TCF25: variants seen among roughly 807,000 people sequenced by gnomAD.
TCF25 encodes the protein ribosome quality control complex subunit TCF25.
In TCF25, 41 loss-of-function variants were observed where a neutral mutation model predicts 83.1. The observed-to-expected ratio is 0.49, with a 90% CI of 0.38 to 0.64. TCF25 has a LOEUF of 0.64. Ranked by LOEUF, TCF25 falls within the 30% of genes least tolerant of loss-of-function variation. TCF25 has a pLI of 0.00. For synonymous variants in TCF25, 458 were observed against 365.0 expected (o/e 1.25, Z -2.90); for missense variants, 979 against 914.5 (o/e 1.07, Z -0.91).
At chr16:89,878,388 C>G (rs994366400) in intron 1 of TCF25, 2 of 1,191,904 alleles carry the variant, frequency 1.7e-6, no homozygotes, top group South Asian at 3.1e-5. Context: ...GAGTTCGAGA[C>G]CAGCCTGGCC....
intron 5 of TCF25, chr16:89,889,565 TTC>T (rs1237265440): frequency 2.5e-5 from 4 of 160,972 alleles, no homozygotes; most frequent in Non-Finnish European, 4.0e-5. Context: ...TTTTTTTTTT[TTC>T]GAGACAGAAT....
At chr16:89,892,070 GC>G (rs1347744171) in intron 5 of TCF25, 122 bp from the exon 6 acceptor site, 3 of 864,166 alleles carry the variant, frequency 3.5e-6, no homozygotes, top group African/African-American at 3.5e-5. Context: ...TCCCCACCCT[GC>G]CCCACATGCC....
intron 15 of TCF25, 29 bp downstream of exon 15, chr16:89,906,313 CTG>C (rs753657044): frequency 1.2e-6 from 2 of 1,605,872 alleles, no homozygotes; most frequent in Non-Finnish European, 1.7e-6. Flanking sequence ...AATGGGAGCT[CTG>C]TGTAAGCCGG....
At chr16:89,878,564 A>G (rs2042366044) in intron 1 of TCF25, 2 of 1,187,558 alleles carry the variant, frequency 1.7e-6, no homozygotes, top group Non-Finnish European at 1.1e-6. Flanking sequence ...TCAGTCGTGG[A>G]CAAGAACCTT....
chr16:89,878,848 A>T (rs1456075350), intron 1 of TCF25, among the ~76,000 whole-genome samples: 1 of 152,146 alleles, frequency 6.6e-6, no homozygotes, highest in Non-Finnish European at 1.5e-5. Flanking sequence ...TCACCGTGTT[A>T]GCGAGGATGG....
rs2044789614 is a variant in TCF25, at chr16:89,906,420, G to C, written c.1719+136G>C. On this transcript the variant is annotated intron_variant, in intron 15 of 17. Transcript: ENST00000263346. Reference sequence around the variant, plus strand: ...CCCAGCCCCGCCACGGCAGGGGCAGGGTCTAGTGCAGAGGGCTCCTCCTTT... The same window carrying C: ...CCCAGCCCCGCCACGGCAGGGGCAGCGTCTAGTGCAGAGGGCTCCTCCTTT... 3.8e-6 allele frequency: 3 copies of C among 783,670 alleles called. No homozygotes were observed. In the East Asian group the frequency reaches 8.1e-5, roughly 21 times the overall value. The allele number at this position is 783,670 out of a possible 1,614,324, so 48.5% of individuals were successfully genotyped here.
At chr16:89,879,852 G>A (rs62056107) in intron 1 of TCF25, among the ~76,000 whole-genome samples, 6,030 of 91,520 alleles carry the variant, frequency 0.066, 71 homozygotes, top group East Asian at 0.24. Context: ...TGGGCTTCGG[G>A]GCCTGTCACA....
At chr16:89,890,628 A>C (rs1210894982) in intron 5 of TCF25, 1 of 152,088 alleles carries the variant, frequency 6.6e-6, no homozygotes, top group African/African-American at 2.4e-5. Context: ...AGACTTTAAA[A>C]TGTCACTTTG....
Position 89,904,124 on chromosome 16 carries a change from T to A in TCF25, c.1388T>A (p.Leu463Gln). The change falls in exon 13 of 18, where the codon CTG (leucine) becomes CAG (glutamine). Residue 463 changes from leucine (L) to glutamine (Q), a missense_variant. Coordinates refer to ENST00000263346, the MANE Select transcript of TCF25 (RefSeq NM_014972.3). Reference sequence around the variant, plus strand: ...GCCTCCGCTTCCCCTGCAGTCCTCCTGCCCCTGCTCGAGTCTTGCAGTGTG... The same window carrying A: ...GCCTCCGCTTCCCCTGCAGTCCTCCAGCCCCTGCTCGAGTCTTGCAGTGTG... ...QALTMFPGVL[L>Q]PLLESCSVRP... 6.2e-7 allele frequency: 1 copy of A among 1,606,436 alleles called. No homozygotes were observed. The highest frequency in any genetic ancestry group is 8.5e-7 in the Non-Finnish European group (1 of 1,176,744).
At chr16:89,886,257 C>T (rs990107134) in intron 4 of TCF25, 2 of 374,106 alleles carry the variant, frequency 5.3e-6, no homozygotes, top group East Asian at 1.3e-4. Context: ...GAAACCCCCT[C>T]TCTACTAAAA....
intron 1 of TCF25, 53 bp downstream of exon 1, chr16:89,873,912 G>A (rs1481598264): frequency 2.1e-6 from 3 of 1,455,096 alleles, no homozygotes; most frequent in African/African-American, 2.9e-5. Context: ...ACGTTGTGGG[G>A]CGGGGCGAGC....
At chr16:89,906,711 C>CA (rs1372705022) in intron 15 of TCF25, among the ~76,000 whole-genome samples, 3 of 152,120 alleles carry the variant, frequency 2.0e-5, no homozygotes, top group Admixed American at 1.3e-4. Flanking sequence ...ACCAGCAAGT[C>CA]AGAGGGTCGC....
chr16:89,906,964 C>T (rs973807711), intron 15 of TCF25, among the ~76,000 whole-genome samples: 2 of 152,080 alleles, frequency 1.3e-5, no homozygotes, highest in African/African-American at 2.4e-5. Context: ...TTGAGCGGCA[C>T]GTGACCCCCT....
chr16:89,901,270 G>A (rs986975860), intron 12 of TCF25, among the ~76,000 whole-genome samples: 1 of 152,282 alleles, frequency 6.6e-6, no homozygotes, highest in East Asian at 1.9e-4. Context: ...ACGCACATGT[G>A]GCGGGCACAG....
chr16:89,877,797 G>A (rs1237425544), intron 1 of TCF25, among the ~76,000 whole-genome samples: 2 of 152,190 alleles, frequency 1.3e-5, no homozygotes, highest in African/African-American at 4.8e-5. Flanking sequence ...AGGGATGGGA[G>A]AGGAGTGTTC....
intron 7 of TCF25, 132 bp downstream of exon 7, chr16:89,893,990 C>T (rs1012389705): frequency 3.7e-6 from 5 of 1,361,608 alleles, no homozygotes; most frequent in African/African-American, 1.5e-5. Context: ...GTGCCAGTCT[C>T]TGCAGGGCGG....
rs1293830184 is a variant in TCF25 at position 89,889,842 on chromosome 16, G to C, written c.614+2125G>C. 3 of 150,780 alleles carry C rather than the reference G, an allele frequency of 2.0e-5. No individual in the cohort carries two copies. In the South Asian group the frequency reaches 6.3e-4, roughly 32 times the overall value. The allele number at this position is 150,780 out of a possible 1,614,324, so 9.3% of individuals were successfully genotyped here. A position where few individuals can be genotyped will look rare whatever the true frequency, so the allele number is the denominator to read the frequency against. On this transcript the variant is annotated intron_variant, in intron 5 of 17. Coordinates refer to ENST00000263346, the MANE Select transcript of TCF25 (RefSeq NM_014972.3). ...TGGGATTACAGGTGTGAGCCACCGT[G>C]CCTGGTCTGCACGTCTGAGTTCTAA...
In TCF25 at chr16:89,911,084, A is replaced by G. The variant is rs748279421; in HGVS notation, c.1877A>G (p.Glu626Gly). Residue 626 changes from glutamate to glycine, a missense_variant, in exon 18 of 18, where the codon GAG becomes GGG. Physicochemically the swap from Glu to Gly is moderately conservative, Grantham distance 98. Coordinates refer to ENST00000263346, the MANE Select transcript of TCF25 (RefSeq NM_014972.3). ...SLLPNYTMEG[E>G]RPEEGVAGGL... ...AGACATGTCCCCTTGCTGCAGGGGG[A>G]GAGGCCCGAGGAAGGAGTGGCTGGG... 1.2e-6 allele frequency: 2 copies of G among 1,610,452 alleles called. No individual in the cohort carries two copies. Among genetic ancestry groups the G allele is most frequent in the South Asian group, 1.1e-5 (1 of 90,974 alleles).
chr16:89,875,523 T>G (rs1362179293), intron 1 of TCF25, among the ~76,000 whole-genome samples: 1 of 132,798 alleles, frequency 7.5e-6, no homozygotes, highest in South Asian at 2.7e-4. Context: ...GTTTTTTTTT[T>G]TTTTTTTTTT....
Sources: gnomAD v4.1 joint callset for allele counts (sites outside exome capture counted in the v4.1 genomes callset) on GRCh38, gnomAD v4.1.1 for gene constraint, MANE v1.5 for transcripts, NCBI Gene and HGNC (gene_info 2026-07-23, HGNC 2026-07-21) for gene names.